Variants in NKAIN3 observed in about 807,000 individuals in gnomAD.
NKAIN3 encodes sodium/potassium transporting ATPase interacting 3, also known as sodium/potassium-transporting ATPase subunit beta-1-interacting protein 3.
Under a neutral mutation model 30.2 loss-of-function variants are expected in NKAIN3, and 25 were observed. The ratio of observed to expected loss-of-function variants is 0.83; its 90% confidence interval spans 0.60 to 1.16. The LOEUF (loss-of-function observed/expected upper bound fraction) is 1.16. NKAIN3 is among the 50% of genes most tolerant of loss of function. The pLI, the probability that NKAIN3 is intolerant of heterozygous loss-of-function variation, is 0.00. For synonymous variants in NKAIN3, 91 were observed against 89.6 expected (o/e 1.02, Z -0.09); for missense variants, 225 against 254.1 (o/e 0.89, Z 0.78).
intron 3 of NKAIN3, among the ~76,000 whole-genome samples, chr8:62,673,154 T>C (rs1230338319): frequency 6.6e-6 from 1 of 152,172 alleles, no homozygotes; most frequent in Non-Finnish European, 1.5e-5. Flanking sequence ...GCGTCAGAGG[T>C]CTATGCATGT....
intron 3 of NKAIN3, among the ~76,000 whole-genome samples, chr8:62,667,208 T>C (rs1458390484): frequency 1.3e-5 from 2 of 149,838 alleles, no homozygotes; most frequent in Non-Finnish European, 3.0e-5. Context: ...AATGACGAGT[T>C]GATGGGTGCA....
intron 3 of NKAIN3, among the ~76,000 whole-genome samples, chr8:62,715,518 G>T (rs996294646): frequency 6.6e-6 from 1 of 152,208 alleles, no homozygotes; most frequent in East Asian, 1.9e-4. Context: ...ATTTCCAAGG[G>T]TTCATATCTC....
At chr8:62,615,163 C>T (rs1002245293) in intron 3 of NKAIN3, among the ~76,000 whole-genome samples, 2 of 109,592 alleles carry the variant, frequency 1.8e-5, no homozygotes, top group African/African-American at 1.3e-4. Flanking sequence ...CAAGGTAGTA[C>T]CTGGTATTGC....
intron 1 of NKAIN3, among the ~76,000 whole-genome samples, chr8:62,267,024 T>C (rs1812630046): frequency 6.6e-6 from 1 of 152,210 alleles, no homozygotes; most frequent in Non-Finnish European, 1.5e-5. Context: ...CTTGAATTAT[T>C]CCCTGGGTGA....
chr8:62,742,459 A>G (rs1815934524), intron 3 of NKAIN3, among the ~76,000 whole-genome samples: 1 of 152,196 alleles, frequency 6.6e-6, no homozygotes, highest in Non-Finnish European at 1.5e-5. Context: ...AGATCTGTAT[A>G]TATCTGCTTC....
chr8:62,792,906 C>T (rs1750188094), intron 4 of NKAIN3, among the ~76,000 whole-genome samples: 1 of 152,004 alleles, frequency 6.6e-6, no homozygotes, highest in African/African-American at 2.4e-5. Flanking sequence ...AGATAAGGAA[C>T]AAAAAGGTAG....
At chr8:62,936,071 T>G (rs1219754407) in intron 5 of NKAIN3, among the ~76,000 whole-genome samples, 1 of 152,118 alleles carries the variant, frequency 6.6e-6, no homozygotes, top group Non-Finnish European at 1.5e-5. Flanking sequence ...ACAGATGTTG[T>G]GGGTATGATT....
rs1357423626 is a variant in NKAIN3 at position 62,599,738 on chromosome 8, T to G, written c.273+9944T>G. 9.9e-5 allele frequency among the ~76,000 whole-genome samples: 15 copies of G among 152,072 alleles called. 1 individual carries two copies. Among genetic ancestry groups the G allele is most frequent in the Admixed American group, 9.8e-4 (15 of 15,246 alleles). On this transcript the variant is annotated intron_variant, in intron 3 of 6. Coordinates refer to ENST00000623646, the MANE Select transcript of NKAIN3 (RefSeq NM_001304533.3). ...TTTAACTTCACAGCTGTAACAGTAT[T>G]AATTAAATCATTTCCTTCAACATGT...
intron 1 of NKAIN3, among the ~76,000 whole-genome samples, chr8:62,549,196 A>G (rs981774116): frequency 2.0e-5 from 3 of 152,198 alleles, no homozygotes; most frequent in African/African-American, 7.2e-5. Flanking sequence ...GCTTTTGCCT[A>G]TACATTTTAA....
At chr8:62,263,998 G>C (rs763721005) in intron 1 of NKAIN3, among the ~76,000 whole-genome samples, 2 of 152,080 alleles carry the variant, frequency 1.3e-5, no homozygotes, top group Non-Finnish European at 2.9e-5. Context: ...CCTAAATATA[G>C]GCTAATTGCT....
chr8:62,691,714 T>C (rs1227210567), intron 3 of NKAIN3, among the ~76,000 whole-genome samples: 1 of 152,212 alleles, frequency 6.6e-6, no homozygotes, highest in East Asian at 1.9e-4. Context: ...AAGAAACTAC[T>C]TTGTTTTCAT....
rs140188203 is a variant in NKAIN3 at position 62,388,140 on chromosome 8, T to C, written c.54+139013T>C. Among the ~76,000 whole-genome samples, 337 of 152,302 alleles carry C rather than the reference T, an allele frequency of 2.2e-3. 1 individual carries two copies. Among genetic ancestry groups the C allele is most frequent in the African/African-American group, 7.7e-3 (319 of 41,568 alleles). ...AGGCCACCATTTACTAATTTGGTGCTAAAAAATTTAAAATATCTGCTTCAT... is the reference window on the plus strand; with the variant it reads ...AGGCCACCATTTACTAATTTGGTGCCAAAAAATTTAAAATATCTGCTTCAT... On this transcript the variant is annotated intron_variant, in intron 1 of 6. Transcript: ENST00000623646.
chr8:62,591,741 A>G (rs1810660908), intron 3 of NKAIN3, among the ~76,000 whole-genome samples: 1 of 151,990 alleles, frequency 6.6e-6, no homozygotes. Flanking sequence ...GGAGCATCCT[A>G]AAGATTTTCT....
chr8:62,576,982 A>AAATAACTAAAATGGAAGTTAGATAG (rs1810128551), intron 1 of NKAIN3, among the ~76,000 whole-genome samples: 3 of 152,174 alleles, frequency 2.0e-5, no homozygotes, highest in Non-Finnish European at 4.4e-5. Context: ...CAAAATGGCT[A>AAATAACTAAAATGGAAGTTAGATAG]AATAACTAAA....
intron 4 of NKAIN3, among the ~76,000 whole-genome samples, chr8:62,754,191 T>C (rs2130601552): frequency 6.6e-6 from 1 of 152,300 alleles, no homozygotes; most frequent in African/African-American, 2.4e-5. Flanking sequence ...TAACTTTTAT[T>C]TGATCATTTA....
At chr8:62,522,122 A>C (rs1013558455) in intron 1 of NKAIN3, among the ~76,000 whole-genome samples, 7 of 152,132 alleles carry the variant, frequency 4.6e-5, no homozygotes, top group Admixed American at 2.0e-4. Flanking sequence ...CATCATATTC[A>C]CATATAAAAC....
intron 1 of NKAIN3, among the ~76,000 whole-genome samples, chr8:62,525,451 G>C (rs1255017006): frequency 6.6e-6 from 1 of 152,084 alleles, no homozygotes; most frequent in African/African-American, 2.4e-5. Context: ...TCTTGTCCAT[G>C]TGTTCTCATT....
chr8:62,938,455 G>A (rs1840564), intron 5 of NKAIN3, among the ~76,000 whole-genome samples: 4,752 of 152,138 alleles, frequency 0.031, 215 homozygotes, highest in East Asian at 0.12. Flanking sequence ...GAAAAGCAGT[G>A]CACTAAACAA....
At chr8:62,881,902 C>T (rs1369917039) in intron 4 of NKAIN3, among the ~76,000 whole-genome samples, 1 of 152,186 alleles carries the variant, frequency 6.6e-6, no homozygotes, top group East Asian at 1.9e-4. Flanking sequence ...CACATCCTCA[C>T]CAGAATTTGG....
Sources: gnomAD v4.1 joint callset for allele counts (sites outside exome capture counted in the v4.1 genomes callset) on GRCh38, gnomAD v4.1.1 for gene constraint, MANE v1.5 for transcripts, NCBI Gene and HGNC (gene_info 2026-07-23, HGNC 2026-07-21) for gene names.